The following PABPC4L variants were observed in gnomAD, a reference collection of about 807,000 sequenced individuals.
The protein encoded by PABPC4L is poly(A) binding protein cytoplasmic 4 like.
For missense variants in PABPC4L, 452 were observed against 451.4 expected (o/e 1.00, Z -0.01); for synonymous variants, 169 against 164.1 (o/e 1.03, Z -0.23).
chr4:133,983,021 A>G, the PABPC4L span, among the ~76,000 whole-genome samples: 9 of 151,972 alleles, frequency 5.9e-5, no homozygotes, highest in African/African-American at 1.9e-4. Context: ...AAATAGACTC[A>G]CCAACTTGTC....
chr4:134,080,290 G>C, the PABPC4L span, among the ~76,000 whole-genome samples: 1 of 152,084 alleles, frequency 6.6e-6, no homozygotes, highest in African/African-American at 2.4e-5. Flanking sequence ...TGTTATTCAT[G>C]AGCCTGTCAC....
the PABPC4L span, among the ~76,000 whole-genome samples, chr4:133,957,777 C>A: frequency 6.6e-6 from 1 of 152,206 alleles, no homozygotes; most frequent in East Asian, 1.9e-4. Context: ...AGGCTCAACA[C>A]CATGTGGAAA....
the PABPC4L span, among the ~76,000 whole-genome samples, chr4:133,960,608 C>T: frequency 1.3e-5 from 2 of 152,176 alleles, no homozygotes; most frequent in African/African-American, 2.4e-5. Flanking sequence ...TGTGCAGACT[C>T]CGCAGGCAGG....
At chr4:134,153,570 T>C in the PABPC4L span, among the ~76,000 whole-genome samples, 1 of 152,126 alleles carries the variant, frequency 6.6e-6, no homozygotes, top group East Asian at 1.9e-4. Flanking sequence ...CTAAAGGCCG[T>C]ATACTTTTGG....
chr4:134,021,117 T>A, the PABPC4L span, among the ~76,000 whole-genome samples: 19 of 152,114 alleles, frequency 1.2e-4, no homozygotes, highest in Non-Finnish European at 2.5e-4. Flanking sequence ...GTTTCAACAT[T>A]CTTTCCCACA....
chr4:133,960,565 C>A, the PABPC4L span, among the ~76,000 whole-genome samples: 1 of 152,158 alleles, frequency 6.6e-6, no homozygotes, highest in Non-Finnish European at 1.5e-5. Flanking sequence ...GAGAAGCCTC[C>A]TGGTCAGAAC....
the PABPC4L span, among the ~76,000 whole-genome samples, chr4:134,039,619 T>C: frequency 6.6e-6 from 1 of 152,100 alleles, no homozygotes; most frequent in African/African-American, 2.4e-5. Context: ...TTAAAGTCTG[T>C]TTTATCAGAG....
chr4:133,994,089 G>C, the PABPC4L span, among the ~76,000 whole-genome samples: 4 of 152,080 alleles, frequency 2.6e-5, no homozygotes, highest in East Asian at 7.7e-4. Flanking sequence ...AATCACTGTG[G>C]GGAATTGTTG....
the PABPC4L span, among the ~76,000 whole-genome samples, chr4:134,141,871 T>C: frequency 1.3e-5 from 2 of 151,672 alleles, no homozygotes; most frequent in East Asian, 1.9e-4. Context: ...CTAGGTCTGA[T>C]AGACACATAA....
chr4:134,111,314 T>C, the PABPC4L span, among the ~76,000 whole-genome samples: 1 of 152,006 alleles, frequency 6.6e-6, no homozygotes, highest in Non-Finnish European at 1.5e-5. Flanking sequence ...AATTATTGCA[T>C]TGGGGATTTT....
At chr4:134,136,780 T>C in the PABPC4L span, among the ~76,000 whole-genome samples, 10 of 152,088 alleles carry the variant, frequency 6.6e-5, no homozygotes, top group Non-Finnish European at 1.2e-4. Flanking sequence ...TAGTGGCTTA[T>C]CTTCTCTTTA....
At chr4:134,103,097 T>G in the PABPC4L span, among the ~76,000 whole-genome samples, 2 of 151,676 alleles carry the variant, frequency 1.3e-5, no homozygotes, top group East Asian at 1.9e-4. Context: ...GGGCCGATAC[T>G]TAATTTCTTA....
the PABPC4L span, among the ~76,000 whole-genome samples, chr4:133,972,736 T>C: frequency 1.3e-5 from 2 of 152,050 alleles, no homozygotes. Flanking sequence ...GGCTGAAAAA[T>C]CCATCTGCTG....
At chr4:134,048,162 T>G in the PABPC4L span, among the ~76,000 whole-genome samples, 6 of 152,108 alleles carry the variant, frequency 3.9e-5, no homozygotes, top group Non-Finnish European at 5.9e-5. Context: ...GAAATTTGAA[T>G]ATATACATGT....
the PABPC4L span, among the ~76,000 whole-genome samples, chr4:133,982,994 T>G: frequency 6.6e-6 from 1 of 152,000 alleles, no homozygotes; most frequent in East Asian, 1.9e-4. Flanking sequence ...AACATAGTTT[T>G]GTGATGCTTC....
chr4:134,173,894 G>A, the PABPC4L span, among the ~76,000 whole-genome samples: 1 of 151,960 alleles, frequency 6.6e-6, no homozygotes, highest in African/African-American at 2.4e-5. Context: ...AATTTAACCT[G>A]ATGGTACTGT....
the PABPC4L span, among the ~76,000 whole-genome samples, chr4:134,026,398 G>C: frequency 0.011 from 1,664 of 151,942 alleles, 17 homozygotes; most frequent in Non-Finnish European, 0.015. Flanking sequence ...ACCACATCCA[G>C]CTAATTTTTG....
the PABPC4L span, among the ~76,000 whole-genome samples, chr4:134,111,634 C>A: frequency 6.6e-6 from 1 of 151,836 alleles, no homozygotes; most frequent in African/African-American, 2.4e-5. Flanking sequence ...GGGGAGGTAA[C>A]TGAATCATGG....
the PABPC4L span, among the ~76,000 whole-genome samples, chr4:134,184,909 C>T: frequency 9.0e-6 from 1 of 111,720 alleles, no homozygotes. Context: ...TGATACTGCA[C>T]TGTTATTTTT....
Sources: allele counts gnomAD v4.1 joint callset (sites outside exome capture counted in the v4.1 genomes callset), GRCh38; gene constraint gnomAD v4.1.1; transcripts MANE v1.5; gene names NCBI Gene and HGNC (gene_info 2026-07-23, HGNC 2026-07-21).